Variants in CAMK2D observed in about 807,000 individuals in gnomAD.
CAMK2D encodes calcium/calmodulin dependent protein kinase II delta, also known as calcium/calmodulin-dependent protein kinase type II subunit delta.
CAMK2D carries 37 observed loss-of-function variants against 84.0 expected under a neutral mutation model. That is an observed-to-expected ratio of 0.44 (90% CI 0.34 to 0.58). The LOEUF is 0.58. CAMK2D is among the 20% of genes least tolerant of loss of function. CAMK2D has a pLI of 0.02. For synonymous variants in CAMK2D, 202 were observed against 212.5 expected, an observed-to-expected ratio of 0.95 and a Z score of 0.43; for missense variants, 448 against 652.5, an observed-to-expected ratio of 0.69 and a Z score of 3.41.
At chr4:113,749,871 G>C (rs2099613331) in intron 2 of CAMK2D, among the ~76,000 whole-genome samples, 1 of 152,130 alleles carries the variant, frequency 6.6e-6, no homozygotes, top group South Asian at 2.1e-4. Context: ...AATTTATAGA[G>C]TTATTGTATG....
chr4:113,582,912 G>A (rs1561140616), intron 4 of CAMK2D, among the ~76,000 whole-genome samples: 1 of 152,196 alleles, frequency 6.6e-6, no homozygotes, highest in African/African-American at 2.4e-5. Context: ...ATAAACAAAG[G>A]TCACAGCTTT....
At chr4:113,667,003 C>T (rs2099259992) in intron 2 of CAMK2D, among the ~76,000 whole-genome samples, 2 of 152,136 alleles carry the variant, frequency 1.3e-5, no homozygotes, top group African/African-American at 2.4e-5. Context: ...CAACCCAACT[C>T]GATTTTGAAA....
chr4:113,508,911 G>T (rs969325254), intron 13 of CAMK2D, among the ~76,000 whole-genome samples: 1 of 152,024 alleles, frequency 6.6e-6, no homozygotes, highest in Non-Finnish European at 1.5e-5. Context: ...AAGGATTAAA[G>T]AAATAAAACA....
intron 2 of CAMK2D, among the ~76,000 whole-genome samples, chr4:113,688,910 C>CAAAAAAAAAAAAAAAAAAAAAAAGAA (rs2099369925): frequency 1.0e-4 from 5 of 49,720 alleles, no homozygotes; most frequent in Non-Finnish European, 1.5e-4. Context: ...AAAGAAGATG[C>CAAAAAAAAAAAAAAAAAAAAAAAGAA]AAAAAAAAAA....
chr4:113,724,413 G>C (rs2099539996), intron 2 of CAMK2D, among the ~76,000 whole-genome samples: 1 of 151,610 alleles, frequency 6.6e-6, no homozygotes, highest in Non-Finnish European at 1.5e-5. Flanking sequence ...ACTTATAACA[G>C]TTAATATTTT....
intron 4 of CAMK2D, among the ~76,000 whole-genome samples, chr4:113,589,868 A>G (rs919976167): frequency 6.6e-6 from 1 of 152,176 alleles, no homozygotes; most frequent in Non-Finnish European, 1.5e-5. Flanking sequence ...CATGATGCCC[A>G]AGGACCAAGC....
chr4:113,692,010 C>T lies in CAMK2D; in HGVS notation c.161-30238G>A, dbSNP rs575303006. 5.9e-5 allele frequency among the ~76,000 whole-genome samples: 9 copies of T among 152,248 alleles called. No homozygotes were observed. In the South Asian group the frequency reaches 6.2e-4, roughly 11 times the overall value. On this transcript the variant is annotated intron_variant, in intron 2 of 20. Coordinates refer to ENST00000511664, the MANE Select transcript of CAMK2D (RefSeq NM_001321571.2). ...AAGAAAGTCAACCATGAAACAGTTA[C>T]GAGCAAGAATTAAAATGCTGCTGAG... is the stretch of plus-strand genomic sequence containing the variant.
intron 3 of CAMK2D, among the ~76,000 whole-genome samples, chr4:113,644,623 G>A (rs2099144343): frequency 6.6e-6 from 1 of 152,116 alleles, no homozygotes; most frequent in Non-Finnish European, 1.5e-5. Context: ...CAAGCAACAG[G>A]TGTAAGGCTT....
chr4:113,604,828 C>T (rs780016980), intron 4 of CAMK2D, among the ~76,000 whole-genome samples: 1 of 152,050 alleles, frequency 6.6e-6, no homozygotes, highest in Non-Finnish European at 1.5e-5. Context: ...TCTCATCATG[C>T]CCTTAATTTA....
intron 2 of CAMK2D, among the ~76,000 whole-genome samples, chr4:113,671,188 G>C (rs372924479): frequency 1.3e-5 from 2 of 152,052 alleles, no homozygotes; most frequent in East Asian, 1.9e-4. Flanking sequence ...ATTTTCCTTA[G>C]GTAGTTTAAT....
At chr4:113,553,345 G>A (rs534949114) in intron 4 of CAMK2D, among the ~76,000 whole-genome samples, 1 of 152,124 alleles carries the variant, frequency 6.6e-6, no homozygotes, top group Non-Finnish European at 1.5e-5. Context: ...CAGTTTAGAA[G>A]GCATGAGTCA....
chr4:113,634,060 T>C (rs868791841), intron 3 of CAMK2D, among the ~76,000 whole-genome samples: 1 of 152,238 alleles, frequency 6.6e-6, no homozygotes, highest in Non-Finnish European at 1.5e-5. Context: ...TTTTGTGCTT[T>C]TTAGCACAAG....
intron 16 of CAMK2D, among the ~76,000 whole-genome samples, chr4:113,480,227 T>G (rs2097684961): frequency 6.6e-6 from 1 of 152,112 alleles, no homozygotes; most frequent in Non-Finnish European, 1.5e-5. Context: ...CCTCCCAAAG[T>G]GCTAGAATTA....
At chr4:113,685,293 G>A (rs1593002690) in intron 2 of CAMK2D, among the ~76,000 whole-genome samples, 1 of 150,606 alleles carries the variant, frequency 6.6e-6, no homozygotes, top group Admixed American at 6.6e-5. Flanking sequence ...GGCTGGAGTG[G>A]AGTGGCGCGA....
chr4:113,582,112 C>A (rs2098813248), intron 4 of CAMK2D, among the ~76,000 whole-genome samples: 1 of 152,124 alleles, frequency 6.6e-6, no homozygotes, highest in Non-Finnish European at 1.5e-5. Flanking sequence ...CCGCAAATCT[C>A]CAAGACTTTA....
chr4:113,673,474 G>A (rs1490814875), intron 2 of CAMK2D, among the ~76,000 whole-genome samples: 1 of 152,200 alleles, frequency 6.6e-6, no homozygotes, highest in Non-Finnish European at 1.5e-5. Context: ...GGGGTGTAAA[G>A]CCAGAAACCC....
At chr4:113,548,754 G>A (rs1166846403) in intron 5 of CAMK2D, 1 of 1,210,340 alleles carries the variant, frequency 8.3e-7, no homozygotes, top group Non-Finnish European at 1.2e-6. Context: ...GGGCAGAATG[G>A]AAGGGAGAAC....
chr4:113,631,927 TA>T (rs1270652976), intron 3 of CAMK2D, among the ~76,000 whole-genome samples: 1 of 152,200 alleles, frequency 6.6e-6, no homozygotes, highest in Non-Finnish European at 1.5e-5. Context: ...AAGGAAAATG[TA>T]AGAGAATAGG....
rs769766828 is a variant in CAMK2D at position 113,452,606 on chromosome 4, CTT to C, written c.*1937_*1938del. The C allele has an allele frequency of 6.6e-6, 1 of 152,464 alleles. No homozygotes were observed. Among genetic ancestry groups the C allele is most frequent in the African/African-American group, 2.4e-5 (1 of 41,394 alleles). 9.4% of individuals were successfully genotyped at this position (152,464 alleles called of 1,614,324 possible). A position where few individuals can be genotyped will look rare whatever the true frequency, so the allele number is the denominator to read the frequency against. ...CTCACATCTTAGTGCGGAAGACAAA[CTT>C]GATCTACAGTAATACTTCAACACCA... On this transcript the variant is annotated 3_prime_UTR_variant, in exon 21 of 21. Coordinates refer to ENST00000511664, the MANE Select transcript of CAMK2D (RefSeq NM_001321571.2).
Sources: allele counts gnomAD v4.1 joint callset (sites outside exome capture counted in the v4.1 genomes callset), GRCh38; gene constraint gnomAD v4.1.1; transcripts MANE v1.5; gene names NCBI Gene and HGNC (gene_info 2026-07-23, HGNC 2026-07-21).